TTC27: variants seen among roughly 807,000 people sequenced by gnomAD.
TTC27 encodes the protein tetratricopeptide repeat protein 27.
TTC27 carries 79 observed loss-of-function variants against 115.9 expected under a neutral mutation model. That is an observed-to-expected ratio of 0.68 (90% confidence interval 0.57 to 0.82). The LOEUF (loss-of-function observed/expected upper bound fraction) is 0.82, where lower values mean the gene tolerates loss of function less well. TTC27 is among the 40% of genes least tolerant of loss of function. TTC27 has a pLI of 0.00. For missense variants in TTC27, 1,054 were observed against 993.1 expected, an observed-to-expected ratio of 1.06 and a Z score of -0.82; for synonymous variants, 401 against 356.0, an observed-to-expected ratio of 1.13 and a Z score of -1.42.
chr2:32,669,425 A>G lies in TTC27; in HGVS notation c.939+2657A>G, dbSNP rs146078788. On this transcript the variant is annotated intron_variant, in intron 7 of 19. Transcript: ENST00000317907. ...TTAGATAGAAACATAGCTTTATTCT[A>G]ATGGGTGGAAGAGAATTGTTAAGTT... 4.9e-4 allele frequency among the ~76,000 whole-genome samples: 74 copies of G among 152,394 alleles called. No homozygotes were observed. The East Asian group carries it at 0.013, about 27-fold the overall frequency.
At chr2:32,689,308 TCTGTCATATACTTCA>T (rs1559207152) in intron 9 of TTC27, among the ~76,000 whole-genome samples, 2 of 152,158 alleles carry the variant, frequency 1.3e-5, no homozygotes, top group African/African-American at 4.8e-5. Context: ...GTTTTATTCA[TCTGTCATATACTTCA>T]CTAAAGGGAA....
chr2:32,719,558 T>C (rs956815284), intron 10 of TTC27, among the ~76,000 whole-genome samples: 1 of 152,136 alleles, frequency 6.6e-6, no homozygotes, highest in Non-Finnish European at 1.5e-5. Context: ...AGGAATGCAG[T>C]AGTTTGGGGC....
intron 12 of TTC27, among the ~76,000 whole-genome samples, chr2:32,752,906 A>T (rs1318805376): frequency 6.6e-6 from 1 of 152,176 alleles, no homozygotes; most frequent in East Asian, 1.9e-4. Context: ...TCTTTCTTTA[A>T]ACAATGGTTG....
At chr2:32,774,060 G>A (rs1669916585) in intron 13 of TTC27, among the ~76,000 whole-genome samples, 1 of 152,084 alleles carries the variant, frequency 6.6e-6, no homozygotes, top group African/African-American at 2.4e-5. Flanking sequence ...AAGACTTGGT[G>A]TGAAAAAGTG....
chr2:32,652,349 C>T (rs565234791), intron 5 of TTC27, among the ~76,000 whole-genome samples: 17 of 151,012 alleles, frequency 1.1e-4, no homozygotes, highest in East Asian at 2.0e-4. Context: ...CTGGCCTGGG[C>T]GACAGGGCAA....
At position 32,654,599 on chromosome 2, in the gene TTC27, A is replaced by G. The variant is rs145956728; in HGVS notation, c.640+4366A>G. Among the ~76,000 whole-genome samples the G allele has an allele frequency of 4.5e-3, 685 of 152,034 alleles. 5 individuals carry two copies. Among genetic ancestry groups the G allele is most frequent in the Non-Finnish European group, 6.6e-3 (450 of 67,970 alleles). ...GTGCTGGAGTGCAGTGATGCGATCT[A>G]GACTCACTGCAACTTTGAAATCCTG... On this transcript the variant is annotated intron_variant, in intron 5 of 19. Transcript: ENST00000317907.
intron 7 of TTC27, among the ~76,000 whole-genome samples, chr2:32,669,791 C>T (rs1181452826): frequency 6.8e-6 from 1 of 146,032 alleles, no homozygotes; most frequent in Non-Finnish European, 1.5e-5. Context: ...GAGGCTGAGG[C>T]AGGAGAATCG....
intron 16 of TTC27, among the ~76,000 whole-genome samples, chr2:32,799,957 C>T (rs993442505): frequency 6.6e-6 from 1 of 152,132 alleles, no homozygotes; most frequent in East Asian, 1.9e-4. Flanking sequence ...GGGAAGAGCA[C>T]GTACTCTGGA....
At chr2:32,668,560 C>CCCTTCCTTCCTCCCTTCCTTCCTT in intron 7 of TTC27, among the ~76,000 whole-genome samples, 1 of 15,970 alleles carries the variant, frequency 6.3e-5, no homozygotes, top group Non-Finnish European at 1.2e-4. Context: ...CTCCCTCCCT[C>CCCTTCCTTCCTCCCTTCCTTCCTT]CCTTCCTTCC....
intron 16 of TTC27, among the ~76,000 whole-genome samples, chr2:32,792,702 T>C (rs1329810401): frequency 6.6e-6 from 1 of 152,158 alleles, no homozygotes; most frequent in Admixed American, 6.5e-5. Flanking sequence ...TGGTAGTTTT[T>C]GTAATGGGTT....
intron 9 of TTC27, among the ~76,000 whole-genome samples, chr2:32,694,741 C>T (rs1200233727): frequency 1.3e-5 from 2 of 149,716 alleles, no homozygotes. Context: ...GGTATGAACA[C>T]AGCTCACTGC....
intron 5 of TTC27, among the ~76,000 whole-genome samples, chr2:32,663,163 G>T (rs1665617675): frequency 6.6e-6 from 1 of 152,156 alleles, no homozygotes; most frequent in South Asian, 2.1e-4. Context: ...CTGGCTTCAG[G>T]CCCCTTTCCA....
At chr2:32,643,336 C>T (rs1664727721) in intron 4 of TTC27, among the ~76,000 whole-genome samples, 1 of 150,922 alleles carries the variant, frequency 6.6e-6, no homozygotes, top group Non-Finnish European at 1.5e-5. Flanking sequence ...GACAGAGTCT[C>T]ACTCTGTTGC....
intron 12 of TTC27, among the ~76,000 whole-genome samples, chr2:32,751,426 G>T (rs1159528141): frequency 2.0e-5 from 3 of 152,108 alleles, no homozygotes; most frequent in Non-Finnish European, 4.4e-5. Context: ...CTTTTGCTTG[G>T]CCCTTTTTAC....
Position 32,777,882 on chromosome 2 carries a change from C to T in TTC27, c.1681C>T (p.Leu561Phe), listed in dbSNP as rs1406432027. ...ERSVKINPMQ[L>F]GVWFSLGCAY... is the part of the protein sequence containing the mutation. Reference sequence around the variant, plus strand: ...TGACTTTGACTTTTGGTCTTTGCAGCTCGGGGTGTGGTTTTCTCTCGGTTG... The same window carrying T: ...TGACTTTGACTTTTGGTCTTTGCAGTTCGGGGTGTGGTTTTCTCTCGGTTG... The change falls in exon 14 of 20, where the codon CTC (leucine) becomes TTC (phenylalanine). Residue 561 changes from leucine to phenylalanine, a missense_variant and splice_region_variant. Physicochemically the swap from Leu to Phe is conservative, Grantham distance 22. Transcript: ENST00000317907. The T allele has an allele frequency of 2.5e-6, 4 of 1,613,702 alleles. No individual in the cohort carries two copies. The South Asian group carries it at 4.4e-5, about 18-fold the overall frequency.
At chr2:32,743,096 T>C (rs1276512972) in intron 12 of TTC27, among the ~76,000 whole-genome samples, 1 of 152,152 alleles carries the variant, frequency 6.6e-6, no homozygotes, top group Non-Finnish European at 1.5e-5. Context: ...AGCTTATTTT[T>C]TTCCCCTTCA....
chr2:32,739,711 T>G (rs1357753108), intron 12 of TTC27, among the ~76,000 whole-genome samples: 1 of 152,196 alleles, frequency 6.6e-6, no homozygotes, highest in Non-Finnish European at 1.5e-5. Flanking sequence ...CCTGTTTTTC[T>G]TATGCTATAT....
chr2:32,642,176 A>G (rs112582339), intron 4 of TTC27, among the ~76,000 whole-genome samples: 1,793 of 150,262 alleles, frequency 0.012, 17 homozygotes, highest in Middle Eastern at 0.021. Flanking sequence ...CAATATTTCT[A>G]TAGGTCAATG....
intron 16 of TTC27, among the ~76,000 whole-genome samples, chr2:32,810,302 G>A (rs919416242): frequency 2.6e-5 from 4 of 152,286 alleles, no homozygotes; most frequent in Middle Eastern, 3.4e-3. Flanking sequence ...AATGAGGCCT[G>A]AACTTAGGTA....
Sources: gnomAD v4.1 joint callset for allele counts (sites outside exome capture counted in the v4.1 genomes callset) on GRCh38, gnomAD v4.1.1 for gene constraint, MANE v1.5 for transcripts, NCBI Gene and HGNC (gene_info 2026-07-23, HGNC 2026-07-21) for gene names.